DGKB: variants seen among roughly 807,000 people sequenced by gnomAD.
DGKB encodes 90 kDa diacylglycerol kinase.
A neutral mutation model predicts 114.3 loss-of-function variants in DGKB; 67 were observed. The observed-to-expected ratio is 0.59, with a 90% CI of 0.48 to 0.72. The LOEUF is 0.72. DGKB is among the 30% of genes least tolerant of loss of function. The pLI, the probability that DGKB is intolerant of heterozygous loss-of-function variation, is 0.00. For synonymous variants in DGKB, 398 were observed against 323.1 expected (o/e 1.23, Z -2.49); for missense variants, 907 against 975.2 (o/e 0.93, Z 0.93).
At chr7:14,729,260 C>T (rs1471394960) in intron 5 of DGKB, among the ~76,000 whole-genome samples, 3 of 148,836 alleles carry the variant, frequency 2.0e-5, no homozygotes, top group Admixed American at 6.7e-5. Context: ...GTAGCTGGGA[C>T]TACAGGCGCC....
At chr7:14,313,356 A>C (rs1805750486) in intron 23 of DGKB, among the ~76,000 whole-genome samples, 1 of 151,868 alleles carries the variant, frequency 6.6e-6, no homozygotes, top group Admixed American at 6.6e-5. Context: ...ATTCCATCTG[A>C]GGTACCGGGT....
intron 1 of DGKB, among the ~76,000 whole-genome samples, chr7:14,877,239 C>T (rs1468212294): frequency 6.6e-6 from 1 of 152,104 alleles, no homozygotes; most frequent in African/African-American, 2.4e-5. Flanking sequence ...TTTTTGGTCT[C>T]ATTCTTACTT....
At chr7:14,355,646 A>G (rs1234058590) in intron 21 of DGKB, among the ~76,000 whole-genome samples, 1 of 152,188 alleles carries the variant, frequency 6.6e-6, no homozygotes, top group Non-Finnish European at 1.5e-5. Flanking sequence ...CATGGTGGAT[A>G]AGCTTTTTGA....
intron 1 of DGKB, among the ~76,000 whole-genome samples, chr7:14,943,971 C>A (rs1785717030): frequency 6.6e-6 from 1 of 151,858 alleles, no homozygotes; most frequent in Non-Finnish European, 1.5e-5. Flanking sequence ...TTCTCACCCT[C>A]TTGAAAAGTG....
At chr7:14,853,988 C>T (rs897021462) in intron 1 of DGKB, among the ~76,000 whole-genome samples, 1 of 151,882 alleles carries the variant, frequency 6.6e-6, no homozygotes, top group African/African-American at 2.4e-5. Flanking sequence ...AATTACTTCA[C>T]ACCTTTATCA....
chr7:14,861,886 G>T (rs115416257), intron 1 of DGKB, among the ~76,000 whole-genome samples: 53 of 152,012 alleles, frequency 3.5e-4, no homozygotes, highest in African/African-American at 1.3e-3. Flanking sequence ...TGAGCTGCTT[G>T]CAAGATTTGT....
At chr7:14,861,433 CT>C (rs1034682020) in intron 1 of DGKB, among the ~76,000 whole-genome samples, 8 of 151,758 alleles carry the variant, frequency 5.3e-5, no homozygotes, top group Middle Eastern at 3.2e-3. Context: ...CATAGCTGAT[CT>C]TTTTTTCATT....
intron 20 of DGKB, among the ~76,000 whole-genome samples, chr7:14,481,254 T>G (rs1782947177): frequency 6.6e-6 from 1 of 151,944 alleles, no homozygotes; most frequent in Non-Finnish European, 1.5e-5. Flanking sequence ...CTGTATAGGC[T>G]TATTTATGTT....
intron 21 of DGKB, among the ~76,000 whole-genome samples, chr7:14,406,382 G>A (rs1281257052): frequency 1.3e-5 from 2 of 151,860 alleles, no homozygotes; most frequent in East Asian, 3.9e-4. Flanking sequence ...CACTATGCAG[G>A]GAAAGAGGAT....
intron 21 of DGKB, among the ~76,000 whole-genome samples, chr7:14,371,821 T>C (rs113976654): frequency 9.4e-4 from 143 of 152,266 alleles, no homozygotes; most frequent in African/African-American, 3.4e-3. Context: ...TACTTAGCAA[T>C]GAGGGAGAGC....
intron 23 of DGKB, among the ~76,000 whole-genome samples, chr7:14,242,873 T>TTC (rs936875292): frequency 1.3e-5 from 2 of 151,650 alleles, no homozygotes; most frequent in African/African-American, 4.9e-5. Flanking sequence ...GCTGTTTTTT[T>TTC]TTTTTTTAAA....
intron 1 of DGKB, among the ~76,000 whole-genome samples, chr7:14,841,721 A>G (rs1289273548): frequency 6.6e-6 from 1 of 152,184 alleles, no homozygotes; most frequent in East Asian, 1.9e-4. Context: ...ATCTAGACCT[A>G]AATTATCCAA....
chr7:14,207,369 G>A (rs769342546), intron 23 of DGKB, among the ~76,000 whole-genome samples: 5 of 152,056 alleles, frequency 3.3e-5, no homozygotes, highest in Non-Finnish European at 7.4e-5. Context: ...GCTTGAAGAG[G>A]GAGATAACAG....
At chr7:14,323,281 G>A (rs974951546) in intron 23 of DGKB, among the ~76,000 whole-genome samples, 2 of 152,138 alleles carry the variant, frequency 1.3e-5, no homozygotes, top group African/African-American at 4.8e-5. Flanking sequence ...ATTGAGTAGG[G>A]CAAGTGAACT....
At chr7:14,323,605 A>G (rs1271083582) in intron 23 of DGKB, among the ~76,000 whole-genome samples, 1 of 152,204 alleles carries the variant, frequency 6.6e-6, no homozygotes, top group East Asian at 1.9e-4. Context: ...AAGCCATGGA[A>G]AGTCATATTA....
At chr7:14,506,173 A>G (rs1787020373) in intron 20 of DGKB, among the ~76,000 whole-genome samples, 1 of 152,166 alleles carries the variant, frequency 6.6e-6, no homozygotes, top group African/African-American at 2.4e-5. Flanking sequence ...CTCAGAATAA[A>G]GATTTTGGCA....
intron 25 of DGKB, among the ~76,000 whole-genome samples, chr7:14,173,739 A>G (rs1781341308): frequency 6.6e-6 from 1 of 152,216 alleles, no homozygotes; most frequent in Admixed American, 6.5e-5. Context: ...AGTGAAATTT[A>G]AAGTTCAGAA....
intron 9 of DGKB, among the ~76,000 whole-genome samples, chr7:14,685,679 T>C (rs902057310): frequency 2.0e-5 from 3 of 152,172 alleles, no homozygotes; most frequent in African/African-American, 7.2e-5. Context: ...TTAAATACTT[T>C]ATCCTTAGCA....
intron 23 of DGKB, among the ~76,000 whole-genome samples, chr7:14,267,559 G>A (rs541223986): frequency 5.7e-4 from 86 of 151,614 alleles, no homozygotes; most frequent in African/African-American, 1.8e-3. Flanking sequence ...TGCCATCTCG[G>A]CTCACTGCAA....
Sources: allele counts gnomAD v4.1 joint callset (sites outside exome capture counted in the v4.1 genomes callset), GRCh38; gene constraint gnomAD v4.1.1; transcripts MANE v1.5; gene names NCBI Gene and HGNC (gene_info 2026-07-23, HGNC 2026-07-21).